Variants in PHETA1 observed in about 807,000 individuals in gnomAD.
PHETA1 encodes sesquipedalian-1.
For synonymous variants in PHETA1, 155 were observed against 168.9 expected, an observed-to-expected ratio of 0.92 and a Z score of 0.64; for missense variants, 348 against 373.5, an observed-to-expected ratio of 0.93 and a Z score of 0.56.
Position 111,362,924 on chromosome 12 carries a change from C to T in PHETA1, c.504G>A (p.Pro168=), listed in dbSNP as rs1013295101. The T allele has an allele frequency of 4.7e-6, 6 of 1,269,998 alleles. No homozygotes were observed. The highest frequency in any genetic ancestry group is 5.0e-6 in the Non-Finnish European group (5 of 993,618). 78.7% of individuals were successfully genotyped at this position (1,269,998 alleles called of 1,614,324 possible). A position where few individuals can be genotyped will look rare whatever the true frequency, so the allele number is the denominator to read the frequency against. The change falls in exon 3 of 3, where the codon CCG becomes CCA. Residue 168 remains proline, a synonymous_variant. Coordinates refer to ENST00000683047, the MANE Select transcript of PHETA1 (RefSeq NM_144671.6). ...GGCGGGGCAGGGGCAGGGCTGGGAC[C>T]GGGGCTGGGGCAGAAGGCAGGGATG... ...PVPSLPSAPA[P]VPALPLPRRP...
At chr12:111,366,465 A>G (rs1300973627) in intron 1 of PHETA1, among the ~76,000 whole-genome samples, 1 of 152,038 alleles carries the variant, frequency 6.6e-6, no homozygotes, top group African/African-American at 2.4e-5. Flanking sequence ...TCACCCCCGC[A>G]TCTGATCGCA....
rs1374072414 is a variant in PHETA1, at chr12:111,368,494, C to T, written c.-182+418G>A. Among the ~76,000 whole-genome samples the T allele has an allele frequency of 6.6e-6, 1 of 152,200 alleles. No homozygotes were observed. ...TGGCCGTCACCGCCCCAGCAGGGAC[C>T]CCAGAGACACGCCAGCACCGCCGTC... On this transcript the variant is annotated intron_variant, in intron 1 of 2. Transcript: ENST00000683047. The surrounding 1 kb of genome is among the most constrained non-coding windows in gnomAD (Gnocchi z 5.0).
chr12:111,364,443 C>T (rs577524227), intron 2 of PHETA1, among the ~76,000 whole-genome samples: 2 of 152,060 alleles, frequency 1.3e-5, no homozygotes, highest in South Asian at 2.1e-4. Flanking sequence ...ACAGATAAGA[C>T]GTCTGCCAGG....
Position 111,363,033 on chromosome 12 carries a change from C to A in PHETA1, c.395G>T (p.Gly132Val). The change falls in exon 3 of 3, where the codon GGC (glycine) becomes GTC (valine). Residue 132 changes from glycine to valine, a missense_variant. Physicochemically the swap from Gly to Val is moderately radical, Grantham distance 109. Coordinates refer to ENST00000683047, the MANE Select transcript of PHETA1 (RefSeq NM_144671.6). The surrounding 1 kb of genome is among the most constrained non-coding windows in gnomAD (Gnocchi z 7.4). ...ELEQQLAAVR[G>V]GGGMALPQPQ... ...CTGGGGCAGGGCCATGCCACCCCCG[C>A]CACGTACAGCCGCCAGCTGCTGCTC... is the stretch of plus-strand genomic sequence containing the variant. 1 of 1,522,536 alleles carries A rather than the reference C, an allele frequency of 6.6e-7. No individual in the cohort carries two copies. Among genetic ancestry groups the A allele is most frequent in the Non-Finnish European group, 8.8e-7 (1 of 1,142,258 alleles). 94.3% of individuals were successfully genotyped at this position (1,522,536 alleles called of 1,614,324 possible).
rs1868607272 is a variant in PHETA1 at position 111,361,631 on chromosome 12, G to A, written c.*1047C>T. The A allele has an allele frequency of 3.2e-6, 1 of 310,116 alleles. No individual in the cohort carries two copies. Among genetic ancestry groups the A allele is most frequent in the South Asian group, 2.7e-5 (1 of 37,010 alleles). 19.2% of individuals were successfully genotyped at this position (310,116 alleles called of 1,614,324 possible). On this transcript the variant is annotated 3_prime_UTR_variant, in exon 3 of 3. Coordinates refer to ENST00000683047, the MANE Select transcript of PHETA1 (RefSeq NM_144671.6). ...AAGACCTGGTCCCCACCAGGAGTAT[G>A]GGGGTGGGGGCTGAGCTCAGGAGGG...
rs1382322753 is a variant in PHETA1 at position 111,363,625 on chromosome 12, A to G, written c.-36-162T>C. On this transcript the variant is annotated intron_variant, in intron 2 of 2. Transcript: ENST00000683047. The surrounding 1 kb of genome is among the most constrained non-coding windows in gnomAD (Gnocchi z 7.4). ...GCCTATGCGCCCACAACTCCTAAGA[A>G]GCAGAGACAGGACTGGAACCTGGGT... 5 of 1,534,750 alleles carry G rather than the reference A, an allele frequency of 3.3e-6. No homozygotes were observed. In the Admixed American group the frequency reaches 7.8e-5, roughly 24 times the overall value.
Position 111,362,122 on chromosome 12 carries a change from C to T in PHETA1, c.*556G>A. 1 of 408,392 alleles carries T rather than the reference C, an allele frequency of 2.4e-6. No homozygotes were observed. Among genetic ancestry groups the T allele is most frequent in the Non-Finnish European group, 4.9e-6 (1 of 202,494 alleles). The allele number at this position is 408,392 out of a possible 1,614,324, so 25.3% of individuals were successfully genotyped here. A position where few individuals can be genotyped will look rare whatever the true frequency, so the allele number is the denominator to read the frequency against. ...TGCACCTGTGTCCCCAGTCACTACC[C>T]TCCCAGCCACCGTCCTGCTCCTGGA... On this transcript the variant is annotated 3_prime_UTR_variant, in exon 3 of 3. Transcript: ENST00000683047.
In PHETA1 at chr12:111,363,688, C is replaced by T. The variant is rs1164510571; in HGVS notation, c.-36-225G>A. On this transcript the variant is annotated intron_variant, in intron 2 of 2. Transcript: ENST00000683047. The surrounding 1 kb of genome is among the most constrained non-coding windows in gnomAD (Gnocchi z 7.4). ...CCCAGACAGCCTCATAACCTCCTAC[C>T]CTCCTGTATCCCTGAAATAATGTTG... is the stretch of plus-strand genomic sequence containing the variant. 6.5e-7 allele frequency: 1 copy of T among 1,529,702 alleles called. No individual in the cohort carries two copies. Among genetic ancestry groups the T allele is most frequent in the African/African-American group, 1.4e-5 (1 of 72,970 alleles). 94.8% of individuals were successfully genotyped at this position (1,529,702 alleles called of 1,614,324 possible). A position where few individuals can be genotyped will look rare whatever the true frequency, so the allele number is the denominator to read the frequency against.
rs895693052 is a variant in PHETA1, at chr12:111,367,495, T to C, written c.-181-1238A>G. Among the ~76,000 whole-genome samples the C allele has an allele frequency of 3.3e-5, 5 of 152,012 alleles. No individual in the cohort carries two copies. Among genetic ancestry groups the C allele is most frequent in the Non-Finnish European group, 4.4e-5 (3 of 67,998 alleles). ...AGATGTGGAAATGGACACAGGGAGA[T>C]TCAATAAGTTGGCTAGAGGCATACA... On this transcript the variant is annotated intron_variant, in intron 1 of 2. Transcript: ENST00000683047. This position sits in a 1 kb window ranked among gnomAD's most constrained non-coding sequence, Gnocchi z 4.0.
Position 111,362,903 on chromosome 12 carries a change from G to T in PHETA1, c.525C>A (p.Pro175=), listed in dbSNP as rs1054798166. Residue 175 remains proline, a synonymous_variant, in exon 3 of 3, where the codon CCC becomes CCA. Transcript: ENST00000683047. Reference sequence around the variant, plus strand: ...TGGGCGGGAGGGCACTGGGCCGGCGGGGCAGGGGCAGGGCTGGGACCGGGG... The same window carrying T: ...TGGGCGGGAGGGCACTGGGCCGGCGTGGCAGGGGCAGGGCTGGGACCGGGG... The part of the protein sequence containing the change: ...APAPVPALPL[P]RRPSALPPKE... 3 of 1,512,586 alleles carry T rather than the reference G, an allele frequency of 2.0e-6. No individual in the cohort carries two copies. Among genetic ancestry groups the T allele is most frequent in the East Asian group, 4.9e-5 (2 of 40,700 alleles). 93.7% of individuals were successfully genotyped at this position (1,512,586 alleles called of 1,614,324 possible). A position where few individuals can be genotyped will look rare whatever the true frequency, so the allele number is the denominator to read the frequency against.
chr12:111,362,281 T>G lies in PHETA1; in HGVS notation c.*397A>C. On this transcript the variant is annotated 3_prime_UTR_variant, in exon 3 of 3. Transcript: ENST00000683047. ...GGTCAGGAGCTGCACTAACTGTGCA[T>G]TTGCTTTTCAGGCCACAGATCGCCC... 1.0e-5 allele frequency: 4 copies of G among 397,362 alleles called. No individual in the cohort carries two copies. The highest frequency in any genetic ancestry group is 5.9e-5 in the East Asian group (1 of 17,080). The allele number at this position is 397,362 out of a possible 1,614,324, so 24.6% of individuals were successfully genotyped here. A position where few individuals can be genotyped will look rare whatever the true frequency, so the allele number is the denominator to read the frequency against.
In PHETA1 at chr12:111,368,407, G is replaced by T. The variant is rs1392431019; in HGVS notation, c.-182+505C>A. The stretch of plus-strand genomic sequence containing the variant: ...CAGTGTCCCCCAGCAGCGGGCGTGG[G>T]GAAGAGGGTGTGGCAGGCACAGGCT... On this transcript the variant is annotated intron_variant, in intron 1 of 2. Transcript: ENST00000683047. This position sits in a 1 kb window ranked among gnomAD's most constrained non-coding sequence, Gnocchi z 5.0. 6.6e-6 allele frequency among the ~76,000 whole-genome samples: 1 copy of T among 152,160 alleles called. No individual in the cohort carries two copies. The highest frequency in any genetic ancestry group is 2.4e-5 in the African/African-American group (1 of 41,426).
In PHETA1 at chr12:111,363,411, C is replaced by T. The variant is rs373748926; in HGVS notation, c.17G>A (p.Arg6His). 29 of 1,610,812 alleles carry T rather than the reference C, an allele frequency of 1.8e-5. No homozygotes were observed. In the Middle Eastern group the frequency reaches 1.3e-3, roughly 73 times the overall value. MKLNE[R>H]SLAFYATCDA... ...ACAGGTGGCGTAGAAGGCCAGGCTG[C>T]GCTCGTTCAGCTTCATGGTGGCAAT... Residue 6 changes from arginine to histidine, a missense_variant, in exon 3 of 3, where the codon CGC becomes CAC. Coordinates refer to ENST00000683047, the MANE Select transcript of PHETA1 (RefSeq NM_144671.6). The surrounding 1 kb of genome is among the most constrained non-coding windows in gnomAD (Gnocchi z 7.4).
chr12:111,361,753 T>C lies in PHETA1; in HGVS notation c.*925A>G, dbSNP rs971239300. ...CCGCCACTAGGTCAGCACCTGGGCC[T>C]TCCTAGGCGGTGAGTCAGCTGGTGG... is the stretch of plus-strand genomic sequence containing the variant. On this transcript the variant is annotated 3_prime_UTR_variant, in exon 3 of 3. Transcript: ENST00000683047. The C allele has an allele frequency of 2.6e-6, 1 of 381,420 alleles. No homozygotes were observed. The highest frequency in any genetic ancestry group is 1.9e-5 in the South Asian group (1 of 51,660). The allele number at this position is 381,420 out of a possible 1,614,324, so 23.6% of individuals were successfully genotyped here. A position where few individuals can be genotyped will look rare whatever the true frequency, so the allele number is the denominator to read the frequency against.
Position 111,362,673 on chromosome 12 carries a change from T to C in PHETA1, c.*5A>G, listed in dbSNP as rs556990844. 79 of 1,549,304 alleles carry C rather than the reference T, an allele frequency of 5.1e-5. 1 individual carries two copies. In the African/African-American group the frequency reaches 1.0e-3, roughly 20 times the overall value. On this transcript the variant is annotated 3_prime_UTR_variant, in exon 3 of 3. Coordinates refer to ENST00000683047, the MANE Select transcript of PHETA1 (RefSeq NM_144671.6). ...TGTCCCCCTAAAACAGGCGCCCTGGTGGCCTCAGGGCTGGACCCGGCTGCT... is the reference window on the plus strand; with the variant it reads ...TGTCCCCCTAAAACAGGCGCCCTGGCGGCCTCAGGGCTGGACCCGGCTGCT...
chr12:111,362,568 A>G lies in PHETA1; in HGVS notation c.*110T>C, dbSNP rs1447782087. ...CCAGGCCACTCAGGGCCTGGGGGCC[A>G]GCCTTGCCCATGATTTCCCTCAGGA... On this transcript the variant is annotated 3_prime_UTR_variant, in exon 3 of 3. Coordinates refer to ENST00000683047, the MANE Select transcript of PHETA1 (RefSeq NM_144671.6). 2 of 1,537,830 alleles carry G rather than the reference A, an allele frequency of 1.3e-6. No homozygotes were observed. Among genetic ancestry groups the G allele is most frequent in the East Asian group, 4.9e-5 (2 of 40,898 alleles).
In PHETA1 at chr12:111,363,071, C is replaced by G. The variant is rs762989102; in HGVS notation, c.357G>C (p.Val119=). 1 of 1,580,330 alleles carries G rather than the reference C, an allele frequency of 6.3e-7. No individual in the cohort carries two copies. Among genetic ancestry groups the G allele is most frequent in the East Asian group, 2.2e-5 (1 of 44,476 alleles). ...SRASFDYLRL[V]VRELEQQLAA... is the part of the protein sequence containing the mutation. ...CCAGCTGCTGCTCCAGCTCGCGCACCACCAGCCGCAGGTAGTCGAAGCTGG... is the reference window on the plus strand; with the variant it reads ...CCAGCTGCTGCTCCAGCTCGCGCACGACCAGCCGCAGGTAGTCGAAGCTGG... The change falls in exon 3 of 3, where the codon GTG becomes GTC. Residue 119 remains valine, a synonymous_variant. Transcript: ENST00000683047. The surrounding 1 kb of genome is among the most constrained non-coding windows in gnomAD (Gnocchi z 7.4).
chr12:111,361,985 G>T lies in PHETA1; in HGVS notation c.*693C>A. The T allele has an allele frequency of 2.2e-6, 1 of 456,124 alleles. No individual in the cohort carries two copies. Among genetic ancestry groups the T allele is most frequent in the South Asian group, 1.5e-5 (1 of 64,562 alleles). 28.3% of individuals were successfully genotyped at this position (456,124 alleles called of 1,614,324 possible). A position where few individuals can be genotyped will look rare whatever the true frequency, so the allele number is the denominator to read the frequency against. On this transcript the variant is annotated 3_prime_UTR_variant, in exon 3 of 3. Transcript: ENST00000683047. ...GGCCAGAGAGCCACTGCCACCAGGA[G>T]CACCACCATGAGGCCTGGCAGGGGA...
Position 111,362,720 on chromosome 12 carries a change from C to T in PHETA1, c.708G>A (p.Arg236=), listed in dbSNP as rs1405594831. 6.5e-7 allele frequency: 1 copy of T among 1,547,408 alleles called. No homozygotes were observed. Among genetic ancestry groups the T allele is most frequent in the Admixed American group, 2.0e-5 (1 of 50,992 alleles). Residue 236 remains arginine (R), a synonymous_variant, in exon 3 of 3, where the codon CGG becomes CGA. Transcript: ENST00000683047. ...RLHECYGQEI[R]ALRGQWLSSR... Reference sequence around the variant, plus strand: ...TGCTGAGCCACTGGCCACGCAGGGCCCGGATCTCCTGGCCATAGCACTCGT... The same window carrying T: ...TGCTGAGCCACTGGCCACGCAGGGCTCGGATCTCCTGGCCATAGCACTCGT...
Sources: allele counts gnomAD v4.1 joint callset (sites outside exome capture counted in the v4.1 genomes callset), GRCh38; gene constraint gnomAD v4.1.1; non-coding constraint Gnocchi (gnomAD v3.1); transcripts MANE v1.5; gene names NCBI Gene and HGNC (gene_info 2026-07-23, HGNC 2026-07-21).